The following PRKCH variants were observed in gnomAD, a reference collection of about 807,000 sequenced individuals.
The protein encoded by PRKCH is protein kinase C eta.
In PRKCH, 28 loss-of-function variants were observed where a neutral mutation model predicts 82.5. That is an observed-to-expected ratio of 0.34 (90% CI 0.25 to 0.47). The LOEUF is 0.47. PRKCH is among the 20% of genes least tolerant of loss of function. PRKCH has a pLI of 1.00. For missense variants in PRKCH, 705 were observed against 881.8 expected (o/e 0.80, Z 2.54); for synonymous variants, 322 against 327.4 (o/e 0.98, Z 0.18).
chr14:61,264,332 G>A (rs1368197822), intron 1 of PRKCH, among the ~76,000 whole-genome samples: 1 of 152,214 alleles, frequency 6.6e-6, no homozygotes, highest in African/African-American at 2.4e-5. Context: ...TGGGTTGGAA[G>A]TAGCATTGCC....
At chr14:61,197,371 A>G (rs181718339) in intron 1 of PRKCH, among the ~76,000 whole-genome samples, 3 of 152,324 alleles carry the variant, frequency 2.0e-5, no homozygotes, top group Admixed American at 1.3e-4. Context: ...CTTATGTCCC[A>G]TAGGGCTTAG....
At chr14:61,207,106 CAAAAAAAAAA>C (rs71114196) in intron 1 of PRKCH, among the ~76,000 whole-genome samples, 14 of 49,158 alleles carry the variant, frequency 2.8e-4, no homozygotes, top group East Asian at 2.6e-3. Context: ...AACTCCATCT[CAAAAAAAAAA>C]AAAAAAAAAA....
At position 61,354,486 on chromosome 14, in the gene PRKCH, T is replaced by G. The variant is rs536407233; in HGVS notation, c.363+32022T>G. ...TATAGCTGTTTCTTTTTCTTTTCCTTTTTTTCCCCCTATATTTAGGGGTTG... is the reference window on the plus strand; with the variant it reads ...TATAGCTGTTTCTTTTTCTTTTCCTGTTTTTCCCCCTATATTTAGGGGTTG... On this transcript the variant is annotated intron_variant, in intron 1 of 13. Transcript: ENST00000332981. 1.2e-4 allele frequency among the ~76,000 whole-genome samples: 19 copies of G among 152,092 alleles called. 2 individuals are homozygous for G. The South Asian group carries it at 3.9e-3, about 32-fold the overall frequency.
At chr14:61,229,409 C>T (rs376040386) in intron 1 of PRKCH, among the ~76,000 whole-genome samples, 27 of 152,264 alleles carry the variant, frequency 1.8e-4, no homozygotes, top group African/African-American at 5.5e-4. Context: ...ATTCTGCCAA[C>T]GAGACCAAAG....
intron 9 of PRKCH, among the ~76,000 whole-genome samples, chr14:61,481,207 G>A (rs779874778): frequency 4.6e-5 from 7 of 152,204 alleles, no homozygotes; most frequent in African/African-American, 1.4e-4. Flanking sequence ...GGCGTACCAC[G>A]TGTGTGTTTA....
intron 2 of PRKCH, among the ~76,000 whole-genome samples, chr14:61,405,481 G>T (rs1170211438): frequency 2.6e-5 from 4 of 151,962 alleles, no homozygotes; most frequent in African/African-American, 7.3e-5. Flanking sequence ...GGGTTCAAGC[G>T]ATTCTGCTGC....
intron 2 of PRKCH, among the ~76,000 whole-genome samples, chr14:61,404,768 C>T (rs1056990340): frequency 6.6e-6 from 1 of 152,100 alleles, no homozygotes; most frequent in Non-Finnish European, 1.5e-5. Flanking sequence ...ATCATTTGAG[C>T]CAGAGGTCTG....
intron 1 of PRKCH, among the ~76,000 whole-genome samples, chr14:61,389,150 C>A (rs1416837401): frequency 1.3e-5 from 2 of 152,128 alleles, no homozygotes; most frequent in African/African-American, 4.8e-5. Flanking sequence ...CCAAGGCGGG[C>A]GGATTGCCTG....
intron 2 of PRKCH, among the ~76,000 whole-genome samples, chr14:61,421,936 G>C (rs1471635867): frequency 6.6e-6 from 1 of 152,166 alleles, no homozygotes; most frequent in Non-Finnish European, 1.5e-5. Flanking sequence ...AGTTAGGAGA[G>C]GAGAGGAAGA....
chr14:61,470,684 TCTTGAATGACTTATGG>T (rs1461011880), intron 9 of PRKCH, among the ~76,000 whole-genome samples: 2 of 152,118 alleles, frequency 1.3e-5, no homozygotes, highest in Admixed American at 1.3e-4. Context: ...CCACTTCTGG[TCTTGAATGACTTATGG>T]CTTAGGTGTT....
intron 1 of PRKCH, among the ~76,000 whole-genome samples, chr14:61,272,011 G>T (rs1185456357): frequency 1.3e-5 from 2 of 152,024 alleles, no homozygotes; most frequent in African/African-American, 2.4e-5. Flanking sequence ...GGATCACGAG[G>T]TCAGGAGATC....
chr14:61,367,031 C>T (rs1179957769), intron 1 of PRKCH, among the ~76,000 whole-genome samples: 3 of 151,980 alleles, frequency 2.0e-5, no homozygotes. Flanking sequence ...TGAATATATC[C>T]ACTTTCCTAC....
chr14:61,350,786 T>C (rs1464988271), intron 1 of PRKCH, among the ~76,000 whole-genome samples: 1 of 152,230 alleles, frequency 6.6e-6, no homozygotes, highest in Non-Finnish European at 1.5e-5. Flanking sequence ...GACCCTCATC[T>C]AACCCAGACT....
intron 10 of PRKCH, among the ~76,000 whole-genome samples, chr14:61,504,220 G>A (rs567945086): frequency 4.6e-5 from 7 of 151,516 alleles, no homozygotes; most frequent in Non-Finnish European, 1.0e-4. Flanking sequence ...AGAGAGTCTC[G>A]CTCTGTTGCC....
At chr14:61,309,994 A>G (rs1478743978) in intron 1 of PRKCH, among the ~76,000 whole-genome samples, 1 of 152,086 alleles carries the variant, frequency 6.6e-6, no homozygotes, top group Non-Finnish European at 1.5e-5. Context: ...ATCTCATGAG[A>G]ACTCACTCAC....
At chr14:61,214,303 TAGA>T (rs1479955279) in intron 1 of PRKCH, among the ~76,000 whole-genome samples, 4 of 151,480 alleles carry the variant, frequency 2.6e-5, no homozygotes, top group Non-Finnish European at 5.9e-5. Context: ...AGTGGGAGAG[TAGA>T]AGAAGTGAAG....
At chr14:61,336,770 TA>T (rs2045862337) in intron 1 of PRKCH, among the ~76,000 whole-genome samples, 1 of 152,162 alleles carries the variant, frequency 6.6e-6, no homozygotes, top group African/African-American at 2.4e-5. Context: ...ACTCTAGTTT[TA>T]AAAGTACGTC....
At chr14:61,478,295 G>A (rs1019769677) in intron 9 of PRKCH, among the ~76,000 whole-genome samples, 2 of 152,146 alleles carry the variant, frequency 1.3e-5, no homozygotes, top group South Asian at 4.1e-4. Context: ...ATACAGCACA[G>A]CAGGAGTTGC....
chr14:61,347,945 T>A (rs2046018386), intron 1 of PRKCH: 1 of 152,788 alleles, frequency 6.5e-6, no homozygotes, highest in Non-Finnish European at 1.5e-5. Flanking sequence ...AGGAAGTTAA[T>A]AGGCCCAGGG....
Sources: allele counts gnomAD v4.1 joint callset (sites outside exome capture counted in the v4.1 genomes callset), GRCh38; gene constraint gnomAD v4.1.1; transcripts MANE v1.5; gene names NCBI Gene and HGNC (gene_info 2026-07-23, HGNC 2026-07-21).